Variants in MPP4 observed in about 807,000 individuals in gnomAD.
The protein encoded by MPP4 is MAGUK p55 subfamily member 4.
MPP4 carries 91 observed loss-of-function variants against 98.3 expected under a neutral mutation model. The observed-to-expected ratio is 0.93, with a 90% CI of 0.78 to 1.10. The LOEUF is 1.10. MPP4 is among the 50% of genes least tolerant of loss of function. MPP4 has a pLI of 0.00. For synonymous variants in MPP4, 261 were observed against 271.8 expected, an observed-to-expected ratio of 0.96 and a Z score of 0.39; for missense variants, 744 against 792.9, an observed-to-expected ratio of 0.94 and a Z score of 0.74.
chr2:201,693,104 C>T, intron 2 of MPP4, 75 bp from the exon 3 acceptor site: 1 of 1,528,468 alleles, frequency 6.5e-7, no homozygotes, highest in Non-Finnish European at 8.8e-7. Context: ...ATAGCTGGGG[C>T]ATGCCATGGG....
At chr2:201,657,076 G>GAA (rs1283480907) in intron 16 of MPP4, among the ~76,000 whole-genome samples, 3 of 152,184 alleles carry the variant, frequency 2.0e-5, no homozygotes, top group Non-Finnish European at 4.4e-5. Context: ...GTTTCTGAAA[G>GAA]ACTCCTCTGG....
intron 18 of MPP4, chr2:201,652,209 A>G (rs1194385303): frequency 6.4e-6 from 1 of 156,000 alleles, no homozygotes; most frequent in Admixed American, 6.5e-5. Context: ...CTATAATTCC[A>G]GCACTTTGGG....
rs545291352 is a variant in MPP4, at chr2:201,678,070, T to C, written c.929+2768A>G. 5.3e-5 allele frequency among the ~76,000 whole-genome samples: 8 copies of C among 152,212 alleles called. 2 individuals are homozygous for C. The South Asian group carries it at 1.7e-3, about 32-fold the overall frequency. On this transcript the variant is annotated intron_variant, in intron 10 of 21. Transcript: ENST00000409474. ...GACTCTGCTATTGACATATTGCTTC[T>C]AAATGAAATTGCTTAATTTCTTATT... is the stretch of plus-strand genomic sequence containing the variant.
At chr2:201,659,912 T>TC (rs1302101464) in intron 15 of MPP4, among the ~76,000 whole-genome samples, 1 of 148,430 alleles carries the variant, frequency 6.7e-6, no homozygotes, top group Non-Finnish European at 1.5e-5. Context: ...TTTCTTAACC[T>TC]TTTTTTTTTA....
Position 201,685,963 on chromosome 2 carries a change from C to T in MPP4, c.448G>A (p.Glu150Lys). 6.2e-7 allele frequency: 1 copy of T among 1,612,806 alleles called. No homozygotes were observed. The highest frequency in any genetic ancestry group is 1.1e-5 in the South Asian group (1 of 91,046). The change falls in exon 6 of 22, where the codon GAA becomes AAA. Residue 150 changes from glutamate (E) to lysine (K), a missense_variant. Transcript: ENST00000409474. ...ACTAAACAAACAATCCTCATTGCTT[C>T]CTCACTCTCAGGGATATTGTCTGGC... ...PLPDNIPESE[E>K]AMRIVCLVKN...
At position 201,694,021 on chromosome 2, in the gene MPP4, C is replaced by T; in HGVS notation, c.-67G>A. The T allele has an allele frequency of 1.2e-6, 2 of 1,613,080 alleles. No individual in the cohort carries two copies. Among genetic ancestry groups the T allele is most frequent in the Non-Finnish European group, 1.7e-6 (2 of 1,179,504 alleles). On this transcript the variant is annotated 5_prime_UTR_variant, in exon 2 of 22. Transcript: ENST00000409474. ...GCGGGTCAATACACGGCACACAGCT[C>T]ACTCAGTCCCACTGGCCACCAGCTC...
chr2:201,678,090 C>T (rs1688562529), intron 10 of MPP4, among the ~76,000 whole-genome samples: 1 of 152,136 alleles, frequency 6.6e-6, no homozygotes, highest in Admixed American at 6.5e-5. Flanking sequence ...TGCTTAATTT[C>T]TTATTTTCAT....
At chr2:201,681,068 G>T in intron 9 of MPP4, 34 bp from the exon 10 acceptor site, 1 of 1,586,126 alleles carries the variant, frequency 6.3e-7, no homozygotes, top group Non-Finnish European at 8.6e-7. Flanking sequence ...CTATCAGAAG[G>T]TGCCTAATGG....
At chr2:201,655,601 A>G (rs919766555) in intron 17 of MPP4, among the ~76,000 whole-genome samples, 6 of 152,198 alleles carry the variant, frequency 3.9e-5, no homozygotes, top group African/African-American at 1.4e-4. Context: ...TTGCTCATGA[A>G]GCTAAACAGG....
chr2:201,689,886 C>G (rs940651204), intron 4 of MPP4, among the ~76,000 whole-genome samples: 6 of 151,980 alleles, frequency 3.9e-5, no homozygotes, highest in African/African-American at 1.5e-4. Context: ...AATCTCCAGG[C>G]TAGAGATATA....
chr2:201,656,051 T>G, intron 17 of MPP4, 147 bp downstream of exon 17: 1 of 865,678 alleles, frequency 1.2e-6, no homozygotes, highest in South Asian at 2.1e-5. Context: ...TAAACACACA[T>G]GTACAATGGC....
intron 4 of MPP4, among the ~76,000 whole-genome samples, chr2:201,688,028 T>A (rs1438211278): frequency 1.3e-5 from 2 of 152,180 alleles, no homozygotes; most frequent in Non-Finnish European, 2.9e-5. Flanking sequence ...TTTACAAAGG[T>A]TTACCTCCAT....
Position 201,645,006 on chromosome 2 carries a change from A to G in MPP4, c.*204T>C. On this transcript the variant is annotated 3_prime_UTR_variant, in exon 22 of 22. Coordinates refer to ENST00000409474, the MANE Select transcript of MPP4 (RefSeq NM_033066.3). ...CATATTTCTACCACAGCTGCATATG[A>G]GGTAAAGGAAAAAAAATTAAGTTAA... The G allele has an allele frequency of 2.8e-6, 1 of 359,638 alleles. No individual in the cohort carries two copies. The highest frequency in any genetic ancestry group is 4.8e-6 in the Non-Finnish European group (1 of 208,340). 22.3% of individuals were successfully genotyped at this position (359,638 alleles called of 1,614,324 possible).
chr2:201,675,481 G>A (rs1688484016), intron 10 of MPP4, among the ~76,000 whole-genome samples: 1 of 152,142 alleles, frequency 6.6e-6, no homozygotes, highest in Non-Finnish European at 1.5e-5. Flanking sequence ...TCTGCCTCAC[G>A]GGATCTTTTC....
chr2:201,656,425 T>G (rs147852069), intron 16 of MPP4, 57 bp from the exon 17 acceptor site: 26,108 of 1,443,180 alleles, frequency 0.018, 309 homozygotes, highest in Non-Finnish European at 0.022. Flanking sequence ...CACTTGTAGC[T>G]TCACACCTGA....
At chr2:201,655,933 T>C (rs1428204530) in intron 17 of MPP4, among the ~76,000 whole-genome samples, 1 of 152,160 alleles carries the variant, frequency 6.6e-6, no homozygotes, top group African/African-American at 2.4e-5. Flanking sequence ...AAAAAAAATC[T>C]CAGTCATAAT....
In MPP4 at chr2:201,645,178, A is replaced by G. The variant is rs981293196; in HGVS notation, c.*32T>C. On this transcript the variant is annotated 3_prime_UTR_variant, in exon 22 of 22. Transcript: ENST00000409474. ...CTATGGATCGCTGTATCAAGGGTAC[A>G]GTGTTAAAACTCCAGCATTAAACAA... 3.2e-6 allele frequency: 5 copies of G among 1,572,388 alleles called. No individual in the cohort carries two copies. Among genetic ancestry groups the G allele is most frequent in the Admixed American group, 1.8e-5 (1 of 55,418 alleles).
At chr2:201,698,053 G>A (rs774296332) in intron 1 of MPP4, 3 of 986,038 alleles carry the variant, frequency 3.0e-6, no homozygotes, top group South Asian at 4.7e-5. Context: ...ATGCAATTCC[G>A]GACTGAGTAC....
At chr2:201,696,772 C>T (rs368178464) in intron 1 of MPP4, among the ~76,000 whole-genome samples, 5 of 152,192 alleles carry the variant, frequency 3.3e-5, no homozygotes, top group African/African-American at 1.2e-4. Context: ...AACTTCAGGG[C>T]TACCTAGATA....
Sources: gnomAD v4.1 joint callset for allele counts (sites outside exome capture counted in the v4.1 genomes callset) on GRCh38, gnomAD v4.1.1 for gene constraint, MANE v1.5 for transcripts, NCBI Gene and HGNC (gene_info 2026-07-23, HGNC 2026-07-21) for gene names.